ZFHX3: variants seen among roughly 807,000 people sequenced by gnomAD.
ZFHX3 encodes zinc finger homeobox 3.
In ZFHX3, 42 loss-of-function variants were observed where a neutral mutation model predicts 279.1. That is an observed-to-expected ratio of 0.15 (90% CI 0.12 to 0.19). The LOEUF is 0.19. Ranked by LOEUF, ZFHX3 falls within the 10% of genes least tolerant of loss-of-function variation. ZFHX3 has a pLI of 1.00. For missense variants in ZFHX3, 4,981 were observed against 4,754.0 expected (o/e 1.05, Z -1.40); for synonymous variants, 2,293 against 1,957.8 (o/e 1.17, Z -4.52).
chr16:73,515,172 A>G (rs1014790837), intron 2 of ZFHX3, among the ~76,000 whole-genome samples: 1 of 152,160 alleles, frequency 6.6e-6, no homozygotes, highest in African/African-American at 2.4e-5. Flanking sequence ...ATTGACCTAA[A>G]TTGTATTTTT....
chr16:72,916,808 C>T (rs903143457), intron 3 of ZFHX3, among the ~76,000 whole-genome samples: 3 of 152,128 alleles, frequency 2.0e-5, no homozygotes, highest in African/African-American at 7.2e-5. Context: ...AATAGAGGAA[C>T]CCCTATCTCA....
intron 8 of ZFHX3, among the ~76,000 whole-genome samples, chr16:73,065,638 G>A (rs1965741666): frequency 6.7e-6 from 1 of 149,722 alleles, no homozygotes; most frequent in African/African-American, 2.5e-5. Flanking sequence ...GCCAGTAATG[G>A]GATTTAAAAT....
intron 1 of ZFHX3, among the ~76,000 whole-genome samples, chr16:72,972,456 A>C (rs947180928): frequency 1.3e-5 from 2 of 152,154 alleles, no homozygotes; most frequent in Non-Finnish European, 2.9e-5. Context: ...TATTCAAGTG[A>C]AGTCCCCCTC....
intron 4 of ZFHX3, among the ~76,000 whole-genome samples, chr16:73,299,149 C>T (rs1240169387): frequency 6.6e-6 from 1 of 152,162 alleles, no homozygotes; most frequent in Non-Finnish European, 1.5e-5. Context: ...CATCTGAGCC[C>T]TACTACAATA....
intron 4 of ZFHX3, among the ~76,000 whole-genome samples, chr16:72,849,717 A>G (rs78116690): frequency 0.015 from 2,269 of 152,160 alleles, 42 homozygotes; most frequent in African/African-American, 0.051. Flanking sequence ...AATTAATGCA[A>G]TCAATTCCTG....
intron 1 of ZFHX3, among the ~76,000 whole-genome samples, chr16:73,820,121 G>C (rs1960691835): frequency 6.6e-6 from 1 of 151,966 alleles, no homozygotes; most frequent in Non-Finnish European, 1.5e-5. Context: ...ACAGAGTCTT[G>C]CTCTGTCGCC....
At chr16:73,766,290 T>A (rs537266591) in intron 1 of ZFHX3, among the ~76,000 whole-genome samples, 1 of 152,324 alleles carries the variant, frequency 6.6e-6, no homozygotes, top group East Asian at 1.9e-4. Flanking sequence ...ACTCCTTGTA[T>A]CACAATTTTA....
At chr16:73,664,187 G>A (rs1020805960) in intron 2 of ZFHX3, among the ~76,000 whole-genome samples, 1 of 151,848 alleles carries the variant, frequency 6.6e-6, no homozygotes, top group African/African-American at 2.4e-5. Flanking sequence ...GGAGGGCAAC[G>A]TAACTTTGCC....
intron 3 of ZFHX3, among the ~76,000 whole-genome samples, chr16:73,444,771 A>G (rs2018152278): frequency 6.6e-6 from 1 of 152,146 alleles, no homozygotes; most frequent in Admixed American, 6.5e-5. Context: ...GCAGCATGCA[A>G]CACCATGCAT....
At chr16:73,540,422 C>A (rs1456889625) in intron 2 of ZFHX3, among the ~76,000 whole-genome samples, 1 of 151,968 alleles carries the variant, frequency 6.6e-6, no homozygotes, top group Admixed American at 6.6e-5. Flanking sequence ...TTCTTCAGGT[C>A]CCCAAAGATC....
intron 1 of ZFHX3, among the ~76,000 whole-genome samples, chr16:73,884,115 G>C (rs1399316918): frequency 6.6e-6 from 1 of 152,128 alleles, no homozygotes; most frequent in East Asian, 1.9e-4. Context: ...ATCAGAGCTT[G>C]CATATTTTTA....
At chr16:73,599,961 G>A (rs981366139) in intron 2 of ZFHX3, among the ~76,000 whole-genome samples, 9 of 152,194 alleles carry the variant, frequency 5.9e-5, no homozygotes, top group Admixed American at 3.9e-4. Context: ...ATTGATGATG[G>A]TGATGGCTCT....
chr16:73,122,128 C>A (rs894876754), intron 7 of ZFHX3, among the ~76,000 whole-genome samples: 2 of 152,054 alleles, frequency 1.3e-5, no homozygotes, highest in African/African-American at 4.8e-5. Context: ...ATGGTAGGTA[C>A]CCTATCCATA....
At chr16:72,838,396 A>G (rs1433850795) in intron 4 of ZFHX3, among the ~76,000 whole-genome samples, 1 of 152,210 alleles carries the variant, frequency 6.6e-6, no homozygotes, top group Non-Finnish European at 1.5e-5. Flanking sequence ...GCCCAGCTCA[A>G]CAAGAATGCA....
At chr16:73,183,068 G>C (rs1360223508) in intron 5 of ZFHX3, among the ~76,000 whole-genome samples, 2 of 152,152 alleles carry the variant, frequency 1.3e-5, no homozygotes, top group Non-Finnish European at 2.9e-5. Flanking sequence ...AGCGGGGTGT[G>C]GTGGTGGGCG....
chr16:73,130,554 T>C (rs1966661121), intron 7 of ZFHX3, among the ~76,000 whole-genome samples: 1 of 152,192 alleles, frequency 6.6e-6, no homozygotes, highest in African/African-American at 2.4e-5. Context: ...AAACATGATG[T>C]TCATTACTTT....
chr16:73,155,074 A>T (rs1967041333), intron 5 of ZFHX3, among the ~76,000 whole-genome samples: 1 of 151,132 alleles, frequency 6.6e-6, no homozygotes, highest in Admixed American at 6.6e-5. Context: ...TCAGAGGTTG[A>T]GGCACAAGAA....
intron 5 of ZFHX3, among the ~76,000 whole-genome samples, chr16:73,215,686 T>A (rs1172157109): frequency 6.6e-6 from 1 of 152,232 alleles, no homozygotes; most frequent in African/African-American, 2.4e-5. Flanking sequence ...CTCCCCCCGA[T>A]GCTGAATGAA....
In ZFHX3 at chr16:73,170,318, C is replaced by A. The variant is rs184696090; in HGVS notation, c.-1103-26487G>T. On this transcript the variant is annotated intron_variant, in intron 5 of 17. Transcript: ENST00000641206. ...CGATCTCGGCTCACTGCAACCTCCA[C>A]CTCCCGGGTTCAAACGATTCTCATG... 2.7e-5 allele frequency among the ~76,000 whole-genome samples: 4 copies of A among 147,792 alleles called. No homozygotes were observed. The East Asian group carries it at 8.0e-4, about 29-fold the overall frequency.
Sources: allele counts gnomAD v4.1 joint callset (sites outside exome capture counted in the v4.1 genomes callset), GRCh38; gene constraint gnomAD v4.1.1; transcripts MANE v1.5; gene names NCBI Gene and HGNC (gene_info 2026-07-23, HGNC 2026-07-21).